The following CADPS2 variants were observed in gnomAD, a reference collection of about 807,000 sequenced individuals.
CADPS2 encodes calcium-dependent secretion activator 2.
A neutral mutation model predicts 172.5 loss-of-function variants in CADPS2; 93 were observed. The observed-to-expected ratio is 0.54, with a 90% CI of 0.46 to 0.64. CADPS2 has a LOEUF of 0.64. CADPS2 is among the 30% of genes least tolerant of loss of function. CADPS2 has a pLI of 0.00. For missense variants in CADPS2, 1,420 were observed against 1,565.9 expected, an observed-to-expected ratio of 0.91 and a Z score of 1.57; for synonymous variants, 546 against 555.2, an observed-to-expected ratio of 0.98 and a Z score of 0.23.
At chr7:122,432,984 AT>A (rs2151907496) in intron 17 of CADPS2, among the ~76,000 whole-genome samples, 1 of 152,004 alleles carries the variant, frequency 6.6e-6, no homozygotes, top group African/African-American at 2.4e-5. Flanking sequence ...TATATAATAT[AT>A]TTTTTGGAGA....
rs775592599 is a variant in CADPS2, at chr7:122,471,445, C to G, written c.2116G>C (p.Gly706Arg). Residue 706 changes from glycine to arginine, a missense_variant, in exon 14 of 30, where the codon GGT becomes CGT. By Grantham distance (125) the Gly-to-Arg change is moderately radical. Transcript: ENST00000449022. ...LAELMEHSEN[G>R]AVIDPTLLHY... ...AGCAGGGTAGGGTCAATGACAGCAC[C>G]ATTTTCTGAATGTTCCATCAGTTCT... 1.2e-6 allele frequency: 2 copies of G among 1,613,532 alleles called. No individual in the cohort carries two copies. Among genetic ancestry groups the G allele is most frequent in the East Asian group, 4.5e-5 (2 of 44,788 alleles).
intron 3 of CADPS2, among the ~76,000 whole-genome samples, chr7:122,658,623 A>C (rs2080116998): frequency 6.6e-6 from 1 of 152,208 alleles, no homozygotes; most frequent in Non-Finnish European, 1.5e-5. Context: ...TTCTCAGCAA[A>C]CTATCGCAAG....
intron 8 of CADPS2, among the ~76,000 whole-genome samples, chr7:122,547,179 T>C (rs2063715916): frequency 6.6e-6 from 1 of 152,112 alleles, no homozygotes; most frequent in Non-Finnish European, 1.5e-5. Context: ...CAAGAAATGT[T>C]GCTAAAACTT....
At chr7:122,640,933 C>CAAA (rs60107640) in intron 3 of CADPS2, among the ~76,000 whole-genome samples, 3 of 129,696 alleles carry the variant, frequency 2.3e-5, no homozygotes, top group Admixed American at 7.8e-5. Flanking sequence ...GACTCTATCT[C>CAAA]AAAAAAAAAA....
chr7:122,347,286 A>AT (rs202040015), intron 27 of CADPS2, among the ~76,000 whole-genome samples: 12 of 151,102 alleles, frequency 7.9e-5, no homozygotes, highest in Non-Finnish European at 1.2e-4. Flanking sequence ...AGTTCTTGCC[A>AT]TTTTTTTTTG....
At chr7:122,620,840 T>A (rs1395513430) in intron 5 of CADPS2, among the ~76,000 whole-genome samples, 1 of 152,144 alleles carries the variant, frequency 6.6e-6, no homozygotes, top group Non-Finnish European at 1.5e-5. Context: ...TACAAAGAAT[T>A]CAATTATATG....
chr7:122,366,644 C>CACAT (rs1270591507), intron 25 of CADPS2: 1 of 117,448 alleles, frequency 8.5e-6, no homozygotes, highest in Middle Eastern at 3.7e-3. Flanking sequence ...CACACACACA[C>CACAT]ACATATATAT....
In CADPS2 at chr7:122,443,661, T is replaced by A. The variant is rs1472363116; in HGVS notation, c.2289-2086A>T. Among the ~76,000 whole-genome samples, 64 of 131,444 alleles carry A rather than the reference T, an allele frequency of 4.9e-4. 1 individual carries two copies. The highest frequency in any genetic ancestry group is 1.4e-3 in the African/African-American group (50 of 35,030). 86.2% of individuals were successfully genotyped at this position (131,444 alleles called of 152,430 possible). ...AAACTTCTTTTATCTTTTTTTTTTTTAAATGAAAGCCAGAAATCCTTTATG... is the reference window on the plus strand; with the variant it reads ...AAACTTCTTTTATCTTTTTTTTTTTAAAATGAAAGCCAGAAATCCTTTATG... On this transcript the variant is annotated intron_variant, in intron 15 of 29. Coordinates refer to ENST00000449022, the MANE Select transcript of CADPS2 (RefSeq NM_017954.11).
chr7:122,409,076 T>C (rs80295625), intron 19 of CADPS2, among the ~76,000 whole-genome samples: 4,382 of 152,324 alleles, frequency 0.029, 200 homozygotes, highest in African/African-American at 0.1. Context: ...TTGAGCATAC[T>C]GTTTTTTGCA....
intron 1 of CADPS2, among the ~76,000 whole-genome samples, chr7:122,787,582 T>C (rs1794340425): frequency 6.6e-6 from 1 of 152,202 alleles, no homozygotes; most frequent in Non-Finnish European, 1.5e-5. Flanking sequence ...TTTGCTTCCA[T>C]ATCCATCTCC....
At chr7:122,668,485 T>C (rs2081422960) in intron 2 of CADPS2, among the ~76,000 whole-genome samples, 1 of 150,124 alleles carries the variant, frequency 6.7e-6, no homozygotes, top group Non-Finnish European at 1.5e-5. Context: ...TTTGGCAAAA[T>C]AACTGGATCC....
At chr7:122,490,596 A>G (rs1261277827) in intron 10 of CADPS2, among the ~76,000 whole-genome samples, 1 of 152,176 alleles carries the variant, frequency 6.6e-6, no homozygotes, top group East Asian at 1.9e-4. Flanking sequence ...CATGCCAGAG[A>G]AAGAAGTTTT....
chr7:122,428,473 T>TA (rs1585930718), intron 17 of CADPS2, among the ~76,000 whole-genome samples: 18 of 71,348 alleles, frequency 2.5e-4, no homozygotes, highest in East Asian at 1.6e-3. Context: ...ATATATATAT[T>TA]TTTTTTTTTT....
intron 17 of CADPS2, among the ~76,000 whole-genome samples, chr7:122,429,040 T>A (rs934452869): frequency 1.3e-5 from 2 of 152,084 alleles, no homozygotes; most frequent in Non-Finnish European, 2.9e-5. Context: ...AAACAACCAG[T>A]GTTTGTTACC....
rs964000817 is a variant in CADPS2 at position 122,557,181 on chromosome 7, A to G, written c.1336-2492T>C. ...ACTTAAACTTCAAAATGGTCTGTAAAATAGTTTTCAGGCTCCCAAATTGCA... is the reference window on the plus strand; with the variant it reads ...ACTTAAACTTCAAAATGGTCTGTAAGATAGTTTTCAGGCTCCCAAATTGCA... On this transcript the variant is annotated intron_variant, in intron 7 of 29. Transcript: ENST00000449022. Among the ~76,000 whole-genome samples the G allele has an allele frequency of 2.0e-5, 3 of 152,144 alleles. No homozygotes were observed. In the South Asian group the frequency reaches 6.2e-4, roughly 32 times the overall value.
At chr7:122,807,385 C>T (rs895524229) in intron 1 of CADPS2, among the ~76,000 whole-genome samples, 16 of 152,214 alleles carry the variant, frequency 1.1e-4, no homozygotes, top group African/African-American at 3.6e-4. Flanking sequence ...CTGCCAGCCT[C>T]AAGTTGCCTA....
intron 7 of CADPS2, among the ~76,000 whole-genome samples, chr7:122,574,016 CA>C (rs911322347): frequency 3.0e-4 from 46 of 151,282 alleles, no homozygotes; most frequent in South Asian, 8.3e-4. Flanking sequence ...AATCAAATGG[CA>C]AAAAAAATGT....
At chr7:122,790,906 G>T (rs1055885155) in intron 1 of CADPS2, among the ~76,000 whole-genome samples, 4 of 152,152 alleles carry the variant, frequency 2.6e-5, no homozygotes, top group Non-Finnish European at 5.9e-5. Flanking sequence ...AACACTAATG[G>T]ATGTAGGAAT....
chr7:122,506,724 AT>A (rs1162778858), intron 9 of CADPS2, among the ~76,000 whole-genome samples: 4 of 95,164 alleles, frequency 4.2e-5, no homozygotes, highest in Non-Finnish European at 7.6e-5. Flanking sequence ...TGCTAGAGTT[AT>A]TTAAAAAAAA....
Sources: allele counts gnomAD v4.1 joint callset (sites outside exome capture counted in the v4.1 genomes callset), GRCh38; gene constraint gnomAD v4.1.1; transcripts MANE v1.5; gene names NCBI Gene and HGNC (gene_info 2026-07-23, HGNC 2026-07-21).